The following ALKBH1 variants were observed in gnomAD, a reference collection of about 807,000 sequenced individuals.
ALKBH1 encodes the protein nucleic acid dioxygenase ALKBH1.
ALKBH1 carries 31 observed loss-of-function variants against 36.6 expected under a neutral mutation model. The observed-to-expected ratio is 0.85, with a 90% CI of 0.64 to 1.14. The LOEUF (loss-of-function observed/expected upper bound fraction) is 1.14, where lower values mean the gene tolerates loss of function less well. ALKBH1 is among the 50% of genes most tolerant of loss of function. The pLI, the probability that ALKBH1 is intolerant of heterozygous loss-of-function variation, is 0.00. For missense variants in ALKBH1, 490 were observed against 497.3 expected, an observed-to-expected ratio of 0.99 and a Z score of 0.14; for synonymous variants, 183 against 186.6, an observed-to-expected ratio of 0.98 and a Z score of 0.16.
intron 4 of ALKBH1, among the ~76,000 whole-genome samples, chr14:77,679,194 C>G (rs558092837): frequency 6.6e-6 from 1 of 151,748 alleles, no homozygotes; most frequent in Non-Finnish European, 1.5e-5. Context: ...TTACTCCAGG[C>G]AGATATTACA....
intron 4 of ALKBH1, among the ~76,000 whole-genome samples, chr14:77,678,418 G>A (rs8003715): frequency 0.34 from 51,074 of 152,024 alleles, 9,847 homozygotes; most frequent in East Asian, 0.5. Context: ...GGCTGAAACT[G>A]TGGAGCTTTT....
At chr14:77,698,385 T>A (rs1378982651) in intron 2 of ALKBH1, among the ~76,000 whole-genome samples, 1 of 152,162 alleles carries the variant, frequency 6.6e-6, no homozygotes, top group Non-Finnish European at 1.5e-5. Flanking sequence ...AATGAGAACA[T>A]TTGCTTATAA....
chr14:77,675,150 C>T (rs147201301), intron 5 of ALKBH1, among the ~76,000 whole-genome samples: 8 of 152,046 alleles, frequency 5.3e-5, no homozygotes, highest in South Asian at 2.1e-4. Context: ...AGGTAGGTTA[C>T]GGCCAGGTGC....
intron 1 of ALKBH1, among the ~76,000 whole-genome samples, chr14:77,705,884 G>A (rs541013930): frequency 2.4e-4 from 37 of 151,906 alleles, no homozygotes; most frequent in Middle Eastern, 3.4e-3. Flanking sequence ...GCGAAACCCC[G>A]TCTCTACTAA....
rs555390165 is a variant in ALKBH1 at position 77,704,671 on chromosome 14, C to T, written c.184-194G>A. ...CACTGCAGCCTCAAGCTCCTGAACT[C>T]AAGTGATCCTCCTGTGTTGGCCTCC... On this transcript the variant is annotated intron_variant, in intron 1 of 5. Coordinates refer to ENST00000216489, the MANE Select transcript of ALKBH1 (RefSeq NM_006020.3). 3.3e-5 allele frequency among the ~76,000 whole-genome samples: 5 copies of T among 152,338 alleles called. No homozygotes were observed. The East Asian group carries it at 9.6e-4, about 29-fold the overall frequency.
chr14:77,703,355 A>G (rs2080370176), intron 2 of ALKBH1, among the ~76,000 whole-genome samples: 1 of 149,342 alleles, frequency 6.7e-6, no homozygotes, highest in Non-Finnish European at 1.5e-5. Flanking sequence ...GTGCAGTGGC[A>G]CAATCTCGGC....
At chr14:77,694,296 A>T (rs1289070496) in intron 3 of ALKBH1, among the ~76,000 whole-genome samples, 2 of 152,244 alleles carry the variant, frequency 1.3e-5, no homozygotes, top group African/African-American at 4.8e-5. Context: ...AGGTGAAAAT[A>T]TTAGTTATTC....
chr14:77,699,515 T>G (rs377610387), intron 2 of ALKBH1, among the ~76,000 whole-genome samples: 9 of 152,228 alleles, frequency 5.9e-5, no homozygotes, highest in African/African-American at 2.2e-4. Flanking sequence ...GCTATCTCAT[T>G]AATCTTCAGT....
At position 77,677,014 on chromosome 14, in the gene ALKBH1, T is replaced by TA. The variant is rs112248393; in HGVS notation, c.547-1166dup. Among the ~76,000 whole-genome samples, 8 of 150,358 alleles carry TA rather than the reference T, an allele frequency of 5.3e-5. No individual in the cohort carries two copies. In the East Asian group the frequency reaches 9.7e-4, roughly 18 times the overall value. On this transcript the variant is annotated intron_variant, in intron 4 of 5. Coordinates refer to ENST00000216489, the MANE Select transcript of ALKBH1 (RefSeq NM_006020.3). ...AGGATCACAAATATCTTTTTCCAGT[T>TA]AAAAAAAAATATATCAAAGGCCATA...
In ALKBH1 at chr14:77,672,675, A is replaced by G. The variant is rs973608192; in HGVS notation, c.*1137T>C. On this transcript the variant is annotated 3_prime_UTR_variant, in exon 6 of 6. Coordinates refer to ENST00000216489, the MANE Select transcript of ALKBH1 (RefSeq NM_006020.3). ...AGCACTTAATTCTCTTTCAAATACC[A>G]ATATCCCTTTAGGAAGATGGTAGTC... The G allele has an allele frequency of 3.3e-5, 5 of 152,318 alleles. No individual in the cohort carries two copies. The highest frequency in any genetic ancestry group is 5.9e-5 in the Non-Finnish European group (4 of 68,020). The allele number at this position is 152,318 out of a possible 1,614,324, so 9.4% of individuals were successfully genotyped here. A position where few individuals can be genotyped will look rare whatever the true frequency, so the allele number is the denominator to read the frequency against.
intron 2 of ALKBH1, among the ~76,000 whole-genome samples, chr14:77,702,680 C>T (rs1047291662): frequency 6.6e-6 from 1 of 152,096 alleles, no homozygotes; most frequent in African/African-American, 2.4e-5. Context: ...AGCTACCTAA[C>T]ATTACTAAAT....
intron 2 of ALKBH1, among the ~76,000 whole-genome samples, chr14:77,701,303 G>A (rs1402424678): frequency 6.6e-6 from 1 of 152,140 alleles, no homozygotes; most frequent in African/African-American, 2.4e-5. Context: ...ACCTTATGAA[G>A]TAGGTACTAT....
chr14:77,683,580 C>CTT, intron 3 of ALKBH1: 2 of 459,026 alleles, frequency 4.4e-6, no homozygotes, highest in South Asian at 2.1e-5. Flanking sequence ...CATCATCCTC[C>CTT]TTTTTTTTTG....
chr14:77,681,543 A>T (rs902617248), intron 3 of ALKBH1, among the ~76,000 whole-genome samples: 1 of 152,244 alleles, frequency 6.6e-6, no homozygotes, highest in Non-Finnish European at 1.5e-5. Flanking sequence ...AGACATCATG[A>T]CACATACATA....
chr14:77,677,929 T>C (rs2080214648), intron 4 of ALKBH1, among the ~76,000 whole-genome samples: 1 of 152,094 alleles, frequency 6.6e-6, no homozygotes, highest in African/African-American at 2.4e-5. Context: ...CCAAACTGTC[T>C]CTGCATTACT....
At chr14:77,680,677 C>CTCTCTTTTTTTT (rs774703181) in intron 3 of ALKBH1, among the ~76,000 whole-genome samples, 3 of 124,348 alleles carry the variant, frequency 2.4e-5, no homozygotes, top group African/African-American at 6.4e-5. Flanking sequence ...ATTAACTACT[C>CTCTCTTTTTTTT]TTTTTTTTTT....
At chr14:77,698,583 G>A (rs4540996) in intron 2 of ALKBH1, among the ~76,000 whole-genome samples, 51,023 of 152,122 alleles carry the variant, frequency 0.34, 9,843 homozygotes, top group East Asian at 0.5. Context: ...CTTGCAAAAG[G>A]ATTTTAAAAA....
At chr14:77,689,559 T>C (rs928399356) in intron 3 of ALKBH1, among the ~76,000 whole-genome samples, 1 of 152,172 alleles carries the variant, frequency 6.6e-6, no homozygotes, top group African/African-American at 2.4e-5. Context: ...CTGAGCACCT[T>C]CTAATATATA....
chr14:77,702,025 G>A (rs78617489), intron 2 of ALKBH1, among the ~76,000 whole-genome samples: 5,547 of 152,290 alleles, frequency 0.036, 148 homozygotes, highest in Non-Finnish European at 0.054. Flanking sequence ...GAGGCCGGGC[G>A]TGGTGGCTCA....
Sources: gnomAD v4.1 joint callset for allele counts (sites outside exome capture counted in the v4.1 genomes callset) on GRCh38, gnomAD v4.1.1 for gene constraint, MANE v1.5 for transcripts, NCBI Gene and HGNC (gene_info 2026-07-23, HGNC 2026-07-21) for gene names.